ZNF208: variants seen among roughly 807,000 people sequenced by gnomAD.
ZNF208 encodes zinc finger protein 208, also known as zinc finger protein 95.
A neutral mutation model predicts 12.1 loss-of-function variants in ZNF208; 10 were observed. The ratio of observed to expected loss-of-function variants is 0.83; its 90% CI spans 0.51 to 1.40. The LOEUF (loss-of-function observed/expected upper bound fraction) is 1.40, where lower values mean the gene tolerates loss of function less well. Among genes scored for constraint, ZNF208 ranks in the 40% most tolerant of loss-of-function variants. The probability of loss-of-function intolerance (pLI) is 0.00; values close to 1 mark genes in which losing one functional copy is unlikely to be tolerated. For synonymous variants in ZNF208, 497 were observed against 488.4 expected (o/e 1.02, Z -0.23); for missense variants, 1,652 against 1,485.0 (o/e 1.11, Z -1.85).
chr19:21,966,683 A>G lies in ZNF208; in HGVS notation c.*4508T>C, dbSNP rs1260158384. 6.6e-6 allele frequency: 1 copy of G among 152,080 alleles called. No individual in the cohort carries two copies. The highest frequency in any genetic ancestry group is 1.5e-5 in the Non-Finnish European group (1 of 67,994). The allele number at this position is 152,080 out of a possible 1,614,324, so 9.4% of individuals were successfully genotyped here. ...TTCTAGTTCTTTGAGAAGTCCCCAA[A>G]CTGCTTTGCACAGGTTCTGAATTAA... On this transcript the variant is annotated 3_prime_UTR_variant, in exon 4 of 4. Transcript: ENST00000397126.
chr19:22,003,297 A>G (rs1970986659), intron 1 of ZNF208, among the ~76,000 whole-genome samples: 3 of 152,302 alleles, frequency 2.0e-5, no homozygotes, highest in South Asian at 4.1e-4. Flanking sequence ...CATGATGAAG[A>G]TATGAAAAGC....
In ZNF208 at chr19:21,974,189, T is replaced by C; in HGVS notation, c.845A>G (p.Glu282Gly). ...ACATTCTTCACATTTGTTGGGTTTC[T>C]CTCCAGTATGAATTATCTTATGTTT... ...LTKHKIIHTGEKPNKCEECGK... is the reference protein window; with the variant it reads ...LTKHKIIHTGGKPNKCEECGK... Residue 282 changes from glutamate (E) to glycine (G), a missense_variant, in exon 4 of 4, where the codon GAG becomes GGG. Physicochemically the swap from Glu to Gly is moderately conservative, Grantham distance 98. Coordinates refer to ENST00000397126, the MANE Select transcript of ZNF208 (RefSeq NM_007153.3). The C allele has an allele frequency of 6.2e-7, 1 of 1,603,434 alleles. No homozygotes were observed. The highest frequency in any genetic ancestry group is 8.5e-7 in the Non-Finnish European group (1 of 1,171,448).
intron 1 of ZNF208, among the ~76,000 whole-genome samples, chr19:21,993,224 A>C (rs758478334): frequency 1.8e-4 from 27 of 152,114 alleles, no homozygotes; most frequent in Non-Finnish European, 3.1e-4. Context: ...AGGCACCAGC[A>C]ATTTCTGCCA....
chr19:21,971,777 T>C lies in ZNF208; in HGVS notation c.3257A>G (p.Lys1086Arg). The change falls in exon 4 of 4, where the codon AAA becomes AGA. Residue 1086 changes from lysine to arginine, a missense_variant. Transcript: ENST00000397126. ...KATHAGEEPY[K>R]CEECGKAFNW... ...GAAAGCTTTGCCACATTCTTCACAT[T>C]TGTAGGGTTCCTCTCCAGCATGAGT... 6.2e-7 allele frequency: 1 copy of C among 1,613,988 alleles called. No individual in the cohort carries two copies. The highest frequency in any genetic ancestry group is 8.5e-7 in the Non-Finnish European group (1 of 1,179,944).
chr19:21,951,622 C>A (rs1435510808), intron 4 of ZNF208, among the ~76,000 whole-genome samples: 1 of 152,192 alleles, frequency 6.6e-6, no homozygotes, highest in Non-Finnish European at 1.5e-5. Context: ...AGATGCTCAT[C>A]TGTACATATC....
chr19:22,007,935 C>T (rs534585404), intron 1 of ZNF208, among the ~76,000 whole-genome samples: 32 of 144,884 alleles, frequency 2.2e-4, no homozygotes, highest in African/African-American at 8.3e-4. Flanking sequence ...ACTCGTGATG[C>T]AGAGGTTTCA....
At chr19:22,001,907 A>AAAAAAAAAAAAAG (rs1970958922) in intron 1 of ZNF208, among the ~76,000 whole-genome samples, 1 of 141,492 alleles carries the variant, frequency 7.1e-6, no homozygotes, top group African/African-American at 2.9e-5. Context: ...AAAAAAAAAA[A>AAAAAAAAAAAAAG]AAAAAAAAAA....
chr19:21,959,147 A>G (rs140007284), intron 4 of ZNF208, among the ~76,000 whole-genome samples: 49 of 152,306 alleles, frequency 3.2e-4, no homozygotes, highest in African/African-American at 1.2e-3. Flanking sequence ...GCACTTAAGC[A>G]TCAAGGACAG....
chr19:21,970,336 A>C lies in ZNF208; in HGVS notation c.*855T>G, dbSNP rs1274596646. Among the ~76,000 whole-genome samples, 1 of 152,144 alleles carries C rather than the reference A, an allele frequency of 6.6e-6. No individual in the cohort carries two copies. The highest frequency in any genetic ancestry group is 2.4e-5 in the African/African-American group (1 of 41,456). Reference sequence around the variant, plus strand: ...TTAAGGACTGGTTAAGGGCATTGCAACATTCCACACAATTGTAGGAATTCC... The same window carrying C: ...TTAAGGACTGGTTAAGGGCATTGCACCATTCCACACAATTGTAGGAATTCC... On this transcript the variant is annotated 3_prime_UTR_variant, in exon 4 of 4. Coordinates refer to ENST00000397126, the MANE Select transcript of ZNF208 (RefSeq NM_007153.3).
In ZNF208 at chr19:21,974,049, T is replaced by A; in HGVS notation, c.985A>T (p.Ile329Phe). 1 of 1,326,288 alleles carries A rather than the reference T, an allele frequency of 7.5e-7. No individual in the cohort carries two copies. The highest frequency in any genetic ancestry group is 1.0e-6 in the Non-Finnish European group (1 of 996,320). 82.2% of individuals were successfully genotyped at this position (1,326,288 alleles called of 1,614,324 possible). Residue 329 changes from isoleucine to phenylalanine, a missense_variant, in exon 4 of 4, where the codon ATT becomes TTT. Physicochemically the swap from Ile to Phe is conservative, Grantham distance 21. Transcript: ENST00000397126. ...CCAGCATGAATTGCCTTATGTGTAA[T>A]AAGGGTTGAGACCTTACTGAAGGCT... ...GKAFSKVSTL[I>F]THKAIHAGEK...
At chr19:21,986,503 A>T (rs1970630601) in intron 3 of ZNF208, among the ~76,000 whole-genome samples, 1 of 152,104 alleles carries the variant, frequency 6.6e-6, no homozygotes, top group African/African-American at 2.4e-5. Context: ...AAATAATGAG[A>T]ACACAAATAA....
At chr19:21,978,734 G>A (rs1197143882) in intron 3 of ZNF208, among the ~76,000 whole-genome samples, 1 of 152,122 alleles carries the variant, frequency 6.6e-6, no homozygotes, top group Non-Finnish European at 1.5e-5. Flanking sequence ...TTGACGAATT[G>A]ACAGCTCAAA....
intron 3 of ZNF208, 36 bp from the exon 4 acceptor site, chr19:21,974,843 A>G (rs1306489751): frequency 6.7e-7 from 1 of 1,490,224 alleles, no homozygotes; most frequent in East Asian, 2.3e-5. Context: ...TAGCCTACTT[A>G]TTAGACTCAG....
rs899912664 is a variant in ZNF208 at position 21,969,250 on chromosome 19, A to G, written c.*1941T>C. Among the ~76,000 whole-genome samples the G allele has an allele frequency of 6.6e-6, 1 of 151,450 alleles. No individual in the cohort carries two copies. The highest frequency in any genetic ancestry group is 2.4e-5 in the African/African-American group (1 of 41,110). The stretch of plus-strand genomic sequence containing the variant: ...TCTGCCCACCTTGGCATCACAAAGT[A>G]TTGGCCACAGTAAGCCAATGTGTCT... On this transcript the variant is annotated 3_prime_UTR_variant, in exon 4 of 4. Transcript: ENST00000397126.
Position 21,971,608 on chromosome 19 carries a change from T to C in ZNF208, c.3426A>G (p.Lys1142=). ...KVIHTGEKPY[K]CEECGKAYKW... is the part of the protein sequence containing the mutation. ...TATAGGCTTTGCCACATTCTTCACA[T>C]TTGTAGGGTTTCTCTCCAGTATGAA... Residue 1142 remains lysine (K), a synonymous_variant, in exon 4 of 4, where the codon AAA becomes AAG. Transcript: ENST00000397126. 1 of 1,612,378 alleles carries C rather than the reference T, an allele frequency of 6.2e-7. No homozygotes were observed. Among genetic ancestry groups the C allele is most frequent in the Non-Finnish European group, 8.5e-7 (1 of 1,179,934 alleles).
At chr19:21,948,797 T>A (rs1289704817) in intron 4 of ZNF208, among the ~76,000 whole-genome samples, 1 of 147,668 alleles carries the variant, frequency 6.8e-6, no homozygotes. Flanking sequence ...GCAAAAAAAC[T>A]CAAAAAAACA....
intron 4 of ZNF208, among the ~76,000 whole-genome samples, chr19:21,943,853 G>A (rs1969779299): frequency 6.6e-6 from 1 of 152,122 alleles, no homozygotes; most frequent in South Asian, 2.1e-4. Flanking sequence ...TGTGCTAAAA[G>A]TATTGAGCCA....
chr19:21,962,533 A>ACT (rs1970090757), downstream of ZNF208, among the ~76,000 whole-genome samples: 1 of 151,908 alleles, frequency 6.6e-6, no homozygotes, highest in Non-Finnish European at 1.5e-5. Context: ...ATGATCTTTC[A>ACT]GGGATTATAT....
intron 3 of ZNF208, among the ~76,000 whole-genome samples, chr19:21,982,436 C>T (rs913693148): frequency 1.3e-5 from 2 of 151,344 alleles, no homozygotes; most frequent in African/African-American, 4.8e-5. Flanking sequence ...GCCATACTGC[C>T]CAAGGTAATT....
Sources: gnomAD v4.1 joint callset for allele counts (sites outside exome capture counted in the v4.1 genomes callset) on GRCh38, gnomAD v4.1.1 for gene constraint, MANE v1.5 for transcripts, NCBI Gene and HGNC (gene_info 2026-07-23, HGNC 2026-07-21) for gene names.